CFAP43: variants seen among roughly 807,000 people sequenced by gnomAD.
The protein encoded by CFAP43 is cilia- and flagella-associated protein 43.
Under a neutral mutation model 218.9 loss-of-function variants are expected in CFAP43, and 155 were observed. The ratio of observed to expected loss-of-function variants is 0.71; its 90% confidence interval spans 0.62 to 0.81. The LOEUF (loss-of-function observed/expected upper bound fraction) is 0.81, where lower values mean the gene tolerates loss of function less well. Ranked by LOEUF, CFAP43 falls within the 30% of genes least tolerant of loss-of-function variation. The pLI is 0.00. For missense variants in CFAP43, 1,778 were observed against 1,954.3 expected, an observed-to-expected ratio of 0.91 and a Z score of 1.70; for synonymous variants, 645 against 681.3, an observed-to-expected ratio of 0.95 and a Z score of 0.83.
At position 104,130,163 on chromosome 10, in the gene CFAP43, T is replaced by C; in HGVS notation, c.4974A>G (p.Thr1658=). ...TTTACATTTGAACAAGAGCAGGAAA[T>C]GTTTTCATTCTTAATCTTTCAACTT... The part of the protein sequence containing the change: ...QTEVERLRMK[T]FPALVQM The change falls in exon 38 of 38, where the codon ACA becomes ACG. Residue 1658 remains threonine (T), a synonymous_variant. Coordinates refer to ENST00000357060, the MANE Select transcript of CFAP43 (RefSeq NM_025145.7). 6.2e-7 allele frequency: 1 copy of C among 1,601,290 alleles called. No individual in the cohort carries two copies. The highest frequency in any genetic ancestry group is 8.5e-7 in the Non-Finnish European group (1 of 1,175,438).
At chr10:104,215,615 C>T (rs1009757427) in intron 3 of CFAP43, among the ~76,000 whole-genome samples, 1 of 152,106 alleles carries the variant, frequency 6.6e-6, no homozygotes, top group Non-Finnish European at 1.5e-5. Flanking sequence ...TGGTTGCCAC[C>T]CCCCACCAGA....
Position 104,166,607 on chromosome 10 carries a change from A to G in CFAP43, c.2920T>C (p.Leu974=), listed in dbSNP as rs1397602573. ...EEDKTVKYSN[L]PNYLLGSLST... ...AGACTACCAAGCAGGTAATTGGGCAAATTGCTATATTTTACTGTCTTGTCT... is the reference window on the plus strand; with the variant it reads ...AGACTACCAAGCAGGTAATTGGGCAGATTGCTATATTTTACTGTCTTGTCT... The change falls in exon 23 of 38, where the codon TTG becomes CTG. Residue 974 remains leucine (L), a synonymous_variant. Transcript: ENST00000357060. 3 of 1,614,118 alleles carry G rather than the reference A, an allele frequency of 1.9e-6. No individual in the cohort carries two copies. Among genetic ancestry groups the G allele is most frequent in the Admixed American group, 1.7e-5 (1 of 60,026 alleles).
rs2089128189 is a variant in CFAP43 at position 104,165,897 on chromosome 10, G to A, written c.3039+591C>T. Among the ~76,000 whole-genome samples the A allele has an allele frequency of 2.6e-5, 4 of 152,078 alleles. No individual in the cohort carries two copies. In the South Asian group the frequency reaches 8.3e-4, roughly 32 times the overall value. On this transcript the variant is annotated intron_variant, in intron 23 of 37. Coordinates refer to ENST00000357060, the MANE Select transcript of CFAP43 (RefSeq NM_025145.7). ...TTCTAGTGTTTTCTTTTCTCTTTGA[G>A]CTTACTGAAGTCCAAAACAGAATGG...
At chr10:104,179,185 T>G in intron 18 of CFAP43, 79 bp from the exon 19 acceptor site, 4 of 1,179,490 alleles carry the variant, frequency 3.4e-6, no homozygotes, top group Non-Finnish European at 3.6e-6. Flanking sequence ...GAGAGAGCAA[T>G]TCTCTAGAAA....
chr10:104,230,489 A>C, intron 2 of CFAP43, 101 bp downstream of exon 2: 1 of 1,458,882 alleles, frequency 6.9e-7, no homozygotes, highest in Non-Finnish European at 9.2e-7. Flanking sequence ...AAACAAACAA[A>C]AAAAACCTTT....
In CFAP43 at chr10:104,214,062, T is replaced by G. The variant is rs533186814; in HGVS notation, c.584+197A>C. Among the ~76,000 whole-genome samples, 3 of 152,320 alleles carry G rather than the reference T, an allele frequency of 2.0e-5. No individual in the cohort carries two copies. The South Asian group carries it at 6.2e-4, about 32-fold the overall frequency. On this transcript the variant is annotated intron_variant, in intron 4 of 37. Transcript: ENST00000357060. ...CAAGTCATAGAGAATTCTTTTGAAA[T>G]GCAAACAACCACTCCAAGGTAATCA... is the stretch of plus-strand genomic sequence containing the variant.
chr10:104,170,070 T>G (rs915665033), intron 20 of CFAP43, among the ~76,000 whole-genome samples: 3 of 152,138 alleles, frequency 2.0e-5, no homozygotes, highest in Non-Finnish European at 4.4e-5. Flanking sequence ...GGACTAGTAT[T>G]CTGATCCTAA....
At chr10:104,160,950 G>T in intron 27 of CFAP43, 87 bp downstream of exon 27, 2 of 1,317,808 alleles carry the variant, frequency 1.5e-6, no homozygotes, top group Non-Finnish European at 2.1e-6. Flanking sequence ...AGCTATTAAA[G>T]ATATCGACAA....
intron 23 of CFAP43, among the ~76,000 whole-genome samples, chr10:104,165,642 C>T (rs2089115349): frequency 6.6e-6 from 1 of 152,058 alleles, no homozygotes; most frequent in Non-Finnish European, 1.5e-5. Flanking sequence ...TTTCAAAAAC[C>T]TTCAGTCAGG....
chr10:104,132,046 G>C (rs1274932249), intron 36 of CFAP43, 70 bp downstream of exon 36: 16 of 1,191,280 alleles, frequency 1.3e-5, no homozygotes, highest in Non-Finnish European at 1.9e-5. Context: ...TTCATGATTT[G>C]AAACACTATT....
In CFAP43 at chr10:104,187,328, G is replaced by C; in HGVS notation, c.1852C>G (p.Pro618Ala). ...CTTAAGTGTTGACATACTTCTTCAGGAAGAAGGTAGCTACAGATGTATGGC... is the reference window on the plus strand; with the variant it reads ...CTTAAGTGTTGACATACTTCTTCAGCAAGAAGGTAGCTACAGATGTATGGC... Reference protein sequence around the residue: ...QVPYICSYLLPEEEHTGIYIL... With the variant: ...QVPYICSYLLAEEEHTGIYIL... The change falls in exon 14 of 38, where the codon CCT becomes GCT. Residue 618 changes from proline (P) to alanine (A), a missense_variant. Physicochemically the swap from Pro to Ala is conservative, Grantham distance 27. Coordinates refer to ENST00000357060, the MANE Select transcript of CFAP43 (RefSeq NM_025145.7). The C allele has an allele frequency of 6.3e-7, 1 of 1,591,434 alleles. No homozygotes were observed. Among genetic ancestry groups the C allele is most frequent in the Non-Finnish European group, 8.5e-7 (1 of 1,173,598 alleles).
chr10:104,168,541 G>A (rs558414320), intron 21 of CFAP43, among the ~76,000 whole-genome samples: 35 of 152,318 alleles, frequency 2.3e-4, no homozygotes, highest in South Asian at 1.0e-3. Context: ...AGAAATGCTG[G>A]CTGGGAAGCA....
At chr10:104,210,240 C>T (rs1006748131) in intron 5 of CFAP43, among the ~76,000 whole-genome samples, 5 of 152,178 alleles carry the variant, frequency 3.3e-5, no homozygotes, top group Non-Finnish European at 5.9e-5. Flanking sequence ...AATCTCTTTC[C>T]ATAATTTAAA....
At chr10:104,138,069 G>T (rs1456389037) in intron 34 of CFAP43, among the ~76,000 whole-genome samples, 1 of 152,176 alleles carries the variant, frequency 6.6e-6, no homozygotes, top group African/African-American at 2.4e-5. Flanking sequence ...CTTATAAAGA[G>T]TATAGCATGG....
Position 104,180,272 on chromosome 10 carries a change from G to A in CFAP43, c.2290-340C>T, listed in dbSNP as rs926797155. Among the ~76,000 whole-genome samples the A allele has an allele frequency of 3.9e-5, 6 of 151,934 alleles. No individual in the cohort carries two copies. The South Asian group carries it at 1.2e-3, about 31-fold the overall frequency. ...GCTTAGGATCTTTTTTCTTCTTTTT[G>A]AAGTCTTAATACTTAACACAATTTT... On this transcript the variant is annotated intron_variant, in intron 17 of 37. Transcript: ENST00000357060.
intron 21 of CFAP43, 55 bp downstream of exon 21, chr10:104,168,689 T>C: frequency 7.0e-7 from 1 of 1,435,018 alleles, no homozygotes; most frequent in Non-Finnish European, 9.8e-7. Context: ...AAAACTTTCC[T>C]GAGCTTTTGA....
chr10:104,185,895 T>A, intron 15 of CFAP43, 79 bp downstream of exon 15: 1 of 1,344,808 alleles, frequency 7.4e-7, no homozygotes, highest in Non-Finnish European at 1.0e-6. Context: ...ATAAGCAAAT[T>A]TTTATATACA....
chr10:104,203,405 A>G (rs760430130), intron 8 of CFAP43: 2 of 393,048 alleles, frequency 5.1e-6, no homozygotes, highest in Non-Finnish European at 9.0e-6. Flanking sequence ...AACAGAGCCA[A>G]GAGATGGAAA....
rs778680616 is a variant in CFAP43, at chr10:104,168,826, T to C, written c.2609A>G (p.His870Arg). 3 of 1,613,508 alleles carry C rather than the reference T, an allele frequency of 1.9e-6. No individual in the cohort carries two copies. Among genetic ancestry groups the C allele is most frequent in the East Asian group, 4.5e-5 (2 of 44,868 alleles). The change falls in exon 21 of 38, where the codon CAT becomes CGT. Residue 870 changes from histidine (H) to arginine (R), a missense_variant. By Grantham distance (29) the His-to-Arg change is conservative. This residue lies in a region of CFAP43 where 1,553 missense variants were observed against 1,685.2 expected (regional missense o/e 0.92). Transcript: ENST00000357060. Reference protein sequence around the residue: ...VAKMIKDVEMHNLAKSYLAEL... With the variant: ...VAKMIKDVEMRNLAKSYLAEL... ...AGCCAAATAGCTCTTGGCTAAGTTA[T>C]GCATCTCTACATCCTTTATCATCTT...
Sources: gnomAD v4.1 joint callset for allele counts (sites outside exome capture counted in the v4.1 genomes callset) on GRCh38, gnomAD v4.1.1 for gene constraint, gnomAD v4.1.1 regional missense constraint, MANE v1.5 for transcripts, NCBI Gene and HGNC (gene_info 2026-07-23, HGNC 2026-07-21) for gene names.